CNTN5: variants seen among roughly 807,000 people sequenced by gnomAD.
CNTN5 encodes contactin 5.
CNTN5 carries 77 observed loss-of-function variants against 129.1 expected under a neutral mutation model. The ratio of observed to expected loss-of-function variants is 0.60; its 90% CI spans 0.50 to 0.72. CNTN5 has a LOEUF of 0.72. Among genes scored for constraint, CNTN5 ranks in the 30% least tolerant of loss-of-function variants. The pLI is 0.00. For missense variants in CNTN5, 1,478 were observed against 1,328.8 expected, an observed-to-expected ratio of 1.11 and a Z score of -1.75; for synonymous variants, 509 against 465.6, an observed-to-expected ratio of 1.09 and a Z score of -1.20.
At chr11:99,969,826 CT>C (rs1179747466) in intron 8 of CNTN5, among the ~76,000 whole-genome samples, 11 of 152,020 alleles carry the variant, frequency 7.2e-5, no homozygotes, top group East Asian at 1.9e-4. Context: ...TGCACTTGGC[CT>C]TTGTTCCATG....
chr11:100,311,870 C>G (rs1192352248), intron 21 of CNTN5, among the ~76,000 whole-genome samples: 2 of 151,922 alleles, frequency 1.3e-5, no homozygotes, highest in African/African-American at 4.8e-5. Context: ...CAGTCAAGAC[C>G]ATCAGAGCAC....
intron 13 of CNTN5, among the ~76,000 whole-genome samples, chr11:100,169,577 T>C (rs1009804267): frequency 6.6e-6 from 1 of 152,006 alleles, no homozygotes; most frequent in African/African-American, 2.4e-5. Flanking sequence ...TTATTTTAAA[T>C]TAAGATATGT....
intron 17 of CNTN5, among the ~76,000 whole-genome samples, chr11:100,265,279 T>C (rs1277199090): frequency 6.6e-6 from 1 of 152,166 alleles, no homozygotes; most frequent in Non-Finnish European, 1.5e-5. Flanking sequence ...CACCATTAAT[T>C]GCAGCTATTG....
At chr11:99,468,991 T>C (rs113861507) in intron 2 of CNTN5, among the ~76,000 whole-genome samples, 1,839 of 152,186 alleles carry the variant, frequency 0.012, 38 homozygotes, top group African/African-American at 0.042. Flanking sequence ...TTTTTGATAT[T>C]TACTCCTTGG....
intron 3 of CNTN5, among the ~76,000 whole-genome samples, chr11:99,664,828 G>C (rs1952724824): frequency 6.6e-6 from 1 of 151,526 alleles, no homozygotes; most frequent in African/African-American, 2.4e-5. Flanking sequence ...GGATCTTCCA[G>C]GGTACCTTAT....
chr11:99,591,485 G>T (rs543968015), intron 3 of CNTN5, among the ~76,000 whole-genome samples: 1 of 151,634 alleles, frequency 6.6e-6, no homozygotes, highest in Admixed American at 6.6e-5. Flanking sequence ...CTACAGGCGC[G>T]TGCCACCATG....
At chr11:99,901,353 C>T (rs150716989) in intron 6 of CNTN5, among the ~76,000 whole-genome samples, 1,624 of 151,990 alleles carry the variant, frequency 0.011, 29 homozygotes, top group African/African-American at 0.037. Flanking sequence ...TGCAGCGGCA[C>T]GATCTTGGCT....
intron 4 of CNTN5, among the ~76,000 whole-genome samples, chr11:99,843,715 C>T (rs150008349): frequency 0.013 from 2,006 of 152,094 alleles, 47 homozygotes; most frequent in African/African-American, 0.045. Flanking sequence ...GTAGAGGCCA[C>T]GGATGCTGCT....
intron 3 of CNTN5, among the ~76,000 whole-genome samples, chr11:99,730,743 T>C (rs1311113051): frequency 6.6e-6 from 1 of 152,208 alleles, no homozygotes; most frequent in African/African-American, 2.4e-5. Context: ...TGTATAATGG[T>C]CAAATCAGGG....
At chr11:99,155,066 A>G (rs554069257) in intron 1 of CNTN5, among the ~76,000 whole-genome samples, 1 of 152,160 alleles carries the variant, frequency 6.6e-6, no homozygotes, top group South Asian at 2.1e-4. Flanking sequence ...TCCTGCTACC[A>G]GGATCCATGA....
intron 1 of CNTN5, among the ~76,000 whole-genome samples, chr11:99,083,712 G>T (rs764506914): frequency 1.3e-5 from 2 of 152,152 alleles, no homozygotes; most frequent in Non-Finnish European, 2.9e-5. Flanking sequence ...AACATTTTTA[G>T]TGGAGAAAAC....
At chr11:99,386,285 A>G (rs1447844529) in intron 2 of CNTN5, among the ~76,000 whole-genome samples, 1 of 152,232 alleles carries the variant, frequency 6.6e-6, no homozygotes. Flanking sequence ...TCCACAGTGC[A>G]AAGCAAAAAC....
At chr11:100,217,585 C>T (rs758825583) in intron 15 of CNTN5, among the ~76,000 whole-genome samples, 23 of 152,246 alleles carry the variant, frequency 1.5e-4, no homozygotes, top group Middle Eastern at 6.8e-3. Context: ...CTAGTTCTAT[C>T]GCCTTTGTGT....
In CNTN5 at chr11:100,309,647, G is replaced by A. The variant is rs537364859; in HGVS notation, c.2730+1179G>A. On this transcript the variant is annotated intron_variant, in intron 21 of 24. Coordinates refer to ENST00000524871, the MANE Select transcript of CNTN5 (RefSeq NM_014361.4). ...TGTTCATCATTAAATCTCAGCAAAT[G>A]ATAATATATATATTTGGCCCATAAC... The A allele has an allele frequency of 3.0e-6, 3 of 983,840 alleles. No individual in the cohort carries two copies. The African/African-American group carries it at 5.2e-5, about 17-fold the overall frequency. 60.9% of individuals were successfully genotyped at this position (983,840 alleles called of 1,614,324 possible).
chr11:99,865,385 A>G (rs1948328082), intron 6 of CNTN5, among the ~76,000 whole-genome samples: 1 of 152,048 alleles, frequency 6.6e-6, no homozygotes, highest in Non-Finnish European at 1.5e-5. Context: ...GAATTCAAAT[A>G]TATGTGTAAT....
At chr11:99,912,263 T>G (rs1336848616) in intron 6 of CNTN5, among the ~76,000 whole-genome samples, 1 of 151,910 alleles carries the variant, frequency 6.6e-6, no homozygotes, top group Non-Finnish European at 1.5e-5. Flanking sequence ...TAGCTCCCAT[T>G]TAGAGAAATA....
At chr11:99,278,272 T>G (rs1329742604) in intron 1 of CNTN5, among the ~76,000 whole-genome samples, 2 of 151,682 alleles carry the variant, frequency 1.3e-5, no homozygotes, top group African/African-American at 4.8e-5. Flanking sequence ...TGCTGTATTT[T>G]ATTCACAAGA....
chr11:100,094,767 A>G (rs200616610), intron 13 of CNTN5, among the ~76,000 whole-genome samples: 16 of 79,830 alleles, frequency 2.0e-4, no homozygotes, highest in Admixed American at 3.9e-4. Context: ...GAGGGAGGAA[A>G]GGAAGGAAGG....
At chr11:99,107,040 T>A (rs1341924722) in intron 1 of CNTN5, among the ~76,000 whole-genome samples, 2 of 151,996 alleles carry the variant, frequency 1.3e-5, no homozygotes, top group African/African-American at 4.8e-5. Context: ...AAGGTACCTA[T>A]CCAAAATGCT....
Sources: allele counts gnomAD v4.1 joint callset (sites outside exome capture counted in the v4.1 genomes callset), GRCh38; gene constraint gnomAD v4.1.1; transcripts MANE v1.5; gene names NCBI Gene and HGNC (gene_info 2026-07-23, HGNC 2026-07-21).